The following FAM229B variants were observed in gnomAD, a reference collection of about 807,000 sequenced individuals.
The protein encoded by FAM229B is protein FAM229B.
In FAM229B, 2 loss-of-function variants were observed where a neutral mutation model predicts 6.7. That is an observed-to-expected ratio of 0.30 (90% CI 0.12 to 0.94). The LOEUF is 0.94. Ranked by LOEUF, FAM229B falls within the 40% of genes least tolerant of loss-of-function variation. The probability of loss-of-function intolerance (pLI) is 0.54; values close to 1 mark genes in which losing one functional copy is unlikely to be tolerated. For missense variants in FAM229B, 93 were observed against 96.2 expected, an observed-to-expected ratio of 0.97 and a Z score of 0.14; for synonymous variants, 29 against 34.0, an observed-to-expected ratio of 0.85 and a Z score of 0.51.
intron 3 of FAM229B, 128 bp downstream of exon 3, chr6:112,099,536 G>A (rs1044315982): frequency 2.1e-5 from 20 of 934,896 alleles, no homozygotes; most frequent in African/African-American, 5.1e-5. Flanking sequence ...TTCTAAGTTA[G>A]CGTATTAACA....
rs1290471480 is a variant in FAM229B, at chr6:112,102,579, A to C, written c.*1792A>C. On this transcript the variant is annotated 3_prime_UTR_variant, in exon 4 of 4. Coordinates refer to ENST00000368656, the MANE Select transcript of FAM229B (RefSeq NM_001033564.3). ...AATAGTGGATCTTTTAATATAGTACATGGATCATTGAGTAGAGTCTTCAGC... is the reference window on the plus strand; with the variant it reads ...AATAGTGGATCTTTTAATATAGTACCTGGATCATTGAGTAGAGTCTTCAGC... 6.6e-6 allele frequency: 1 copy of C among 152,206 alleles called. No homozygotes were observed. The highest frequency in any genetic ancestry group is 1.5e-5 in the Non-Finnish European group (1 of 68,056). The allele number at this position is 152,206 out of a possible 1,614,324, so 9.4% of individuals were successfully genotyped here.
intron 1 of FAM229B, among the ~76,000 whole-genome samples, chr6:112,093,178 T>C (rs1379407190): frequency 6.6e-6 from 1 of 151,802 alleles, no homozygotes; most frequent in African/African-American, 2.4e-5. Flanking sequence ...ATAACCAAAT[T>C]GGTTAAAAAT....
chr6:112,100,491 T>C (rs1554319134), intron 3 of FAM229B, among the ~76,000 whole-genome samples, 179 bp from the exon 4 acceptor site: 2 of 152,246 alleles, frequency 1.3e-5, no homozygotes, highest in African/African-American at 4.8e-5. Context: ...ACAATTTCTT[T>C]GTTATATCCA....
At chr6:112,098,186 A>G (rs1554318862) in intron 2 of FAM229B, among the ~76,000 whole-genome samples, 1 of 152,242 alleles carries the variant, frequency 6.6e-6, no homozygotes, top group Non-Finnish European at 1.5e-5. Context: ...AAAGGTTGCT[A>G]TGAAAACTTA....
chr6:112,092,002 G>A (rs1777263052), intron 1 of FAM229B, among the ~76,000 whole-genome samples: 1 of 152,046 alleles, frequency 6.6e-6, no homozygotes, highest in Non-Finnish European at 1.5e-5. Flanking sequence ...CAAACTTAAA[G>A]ATGTAGCAAT....
At chr6:112,089,262 TA>T (rs1162944268) in intron 1 of FAM229B, among the ~76,000 whole-genome samples, 1 of 151,308 alleles carries the variant, frequency 6.6e-6, no homozygotes, top group African/African-American at 2.4e-5. Flanking sequence ...TATGGACTCC[TA>T]AAATTGAAGG....
rs1398481081 is a variant in FAM229B at position 112,102,255 on chromosome 6, G to C, written c.*1468G>C. 1 of 152,162 alleles carries C rather than the reference G, an allele frequency of 6.6e-6. No individual in the cohort carries two copies. Among genetic ancestry groups the C allele is most frequent in the Non-Finnish European group, 1.5e-5 (1 of 68,026 alleles). 9.4% of individuals were successfully genotyped at this position (152,162 alleles called of 1,614,324 possible). A position where few individuals can be genotyped will look rare whatever the true frequency, so the allele number is the denominator to read the frequency against. The stretch of plus-strand genomic sequence containing the variant: ...TCCTGGCACTTTGGGAGGCCGAAGT[G>C]GATGGATTATCTGAGGTCAGGCATT... On this transcript the variant is annotated 3_prime_UTR_variant, in exon 4 of 4. Transcript: ENST00000368656.
In FAM229B at chr6:112,087,612, A is replaced by C. The variant is rs987540377; in HGVS notation, c.-284A>C. On this transcript the variant is annotated 5_prime_UTR_variant, in exon 1 of 4. Coordinates refer to ENST00000368656, the MANE Select transcript of FAM229B (RefSeq NM_001033564.3). The stretch of plus-strand genomic sequence containing the variant: ...TTCCGTCAGAAGGCCGCGCAAGTGC[A>C]CTTGCGTGTCACCGTTACCGTAGCG... 4.6e-6 allele frequency: 3 copies of C among 654,802 alleles called. No individual in the cohort carries two copies. The highest frequency in any genetic ancestry group is 2.6e-6 in the Non-Finnish European group (1 of 387,892). 40.6% of individuals were successfully genotyped at this position (654,802 alleles called of 1,614,324 possible).
In FAM229B at chr6:112,100,923, C is replaced by A; in HGVS notation, c.*136C>A. 1.5e-6 allele frequency: 1 copy of A among 679,988 alleles called. No individual in the cohort carries two copies. The highest frequency in any genetic ancestry group is 2.6e-6 in the Non-Finnish European group (1 of 382,012). The allele number at this position is 679,988 out of a possible 1,614,324, so 42.1% of individuals were successfully genotyped here. ...GTTGAGCTCTTTACTTTTAGTAAGACCGACAGAAATGTAGTCAGTAAAGCA... is the reference window on the plus strand; with the variant it reads ...GTTGAGCTCTTTACTTTTAGTAAGAACGACAGAAATGTAGTCAGTAAAGCA... On this transcript the variant is annotated 3_prime_UTR_variant, in exon 4 of 4. Transcript: ENST00000368656.
chr6:112,097,639 TTGTGTACTAATAGTTGAAAACAG>T (rs1777344518), intron 2 of FAM229B, among the ~76,000 whole-genome samples: 1 of 149,748 alleles, frequency 6.7e-6, no homozygotes, highest in Non-Finnish European at 1.5e-5. Flanking sequence ...GTTGAATACA[TTGTGTACTAATAGTTGAAAACAG>T]TGTGTACTAA....
In FAM229B at chr6:112,102,484, C is replaced by CA. The variant is rs11373481; in HGVS notation, c.*1706dup. The CA allele has an allele frequency of 0.25, 37,588 of 149,268 alleles. 4,651 individuals are homozygous for CA. Among genetic ancestry groups the CA allele is most frequent in the East Asian group, 0.32 (1,644 of 5,070 alleles). The allele number at this position is 149,268 out of a possible 1,614,324, so 9.2% of individuals were successfully genotyped here. On this transcript the variant is annotated 3_prime_UTR_variant, in exon 4 of 4. Coordinates refer to ENST00000368656, the MANE Select transcript of FAM229B (RefSeq NM_001033564.3). ...TAGGCAACAGAGTGAGACTTTGTCT[C>CA]AAAAAAAAAGAAAAACAAAGAAAAA...
Position 112,087,718 on chromosome 6 carries a change from C to A in FAM229B, c.-178C>A. On this transcript the variant is annotated splice_region_variant and 5_prime_UTR_variant, in exon 1 of 4. Transcript: ENST00000368656. ...CAGCTCCGGAGGCCGGGGTAACTGG[C>A]AGGTAACTAGGCTTTGGAGTGGTAT... The A allele has an allele frequency of 2.1e-6, 1 of 469,546 alleles. No individual in the cohort carries two copies. The highest frequency in any genetic ancestry group is 2.0e-5 in the African/African-American group (1 of 50,216). 29.1% of individuals were successfully genotyped at this position (469,546 alleles called of 1,614,324 possible).
chr6:112,095,630 T>C, intron 1 of FAM229B, among the ~76,000 whole-genome samples: 1 of 83,314 alleles, frequency 1.2e-5, no homozygotes, highest in South Asian at 3.8e-4. Flanking sequence ...AGCAAGACCC[T>C]GTCTCAAAAA....
At chr6:112,100,357 T>C (rs763129900) in intron 3 of FAM229B, among the ~76,000 whole-genome samples, 2 of 152,264 alleles carry the variant, frequency 1.3e-5, no homozygotes, top group African/African-American at 2.4e-5. Context: ...TTGTCACTTA[T>C]GTTTGTAACT....
In FAM229B at chr6:112,100,702, T is replaced by C. The variant is rs782542973; in HGVS notation, c.158T>C (p.Leu53Pro). The C allele has an allele frequency of 3.7e-6, 6 of 1,613,924 alleles. No homozygotes were observed. The highest frequency in any genetic ancestry group is 5.1e-6 in the Non-Finnish European group (6 of 1,179,908). Residue 53 changes from leucine (L) to proline (P), a missense_variant, in exon 4 of 4, where the codon CTG becomes CCG. By Grantham distance (98) the Leu-to-Pro change is moderately conservative. Transcript: ENST00000368656. ...CGGAGGTGCCCTGGAAGTCATTGCC[T>C]GACAATAACTGATGTTCCCGTCACT... ...QLRRCPGSHC[L>P]TITDVPVTVY...
chr6:112,095,711 T>C (rs1305139496), intron 1 of FAM229B, among the ~76,000 whole-genome samples: 1 of 130,814 alleles, frequency 7.6e-6, no homozygotes, highest in Non-Finnish European at 1.6e-5. Context: ...ATTCTGATGC[T>C]AAAACCCATC....
At chr6:112,093,879 A>C (rs1777288725) in intron 1 of FAM229B, among the ~76,000 whole-genome samples, 1 of 152,058 alleles carries the variant, frequency 6.6e-6, no homozygotes, top group South Asian at 2.1e-4. Context: ...AATGTTCTCT[A>C]ACAAAAATGG....
chr6:112,088,309 A>G (rs1487215661), intron 1 of FAM229B, among the ~76,000 whole-genome samples: 2 of 152,260 alleles, frequency 1.3e-5, no homozygotes, highest in Non-Finnish European at 2.9e-5. Flanking sequence ...GTTAGGCATT[A>G]TGACAATTAC....
chr6:112,100,566 A>G (rs1300046479), intron 3 of FAM229B, 104 bp from the exon 4 acceptor site: 2 of 725,522 alleles, frequency 2.8e-6, no homozygotes, highest in East Asian at 2.6e-5. Context: ...AGAGATTTCA[A>G]AGTGATTTAA....
Sources: gnomAD v4.1 joint callset for allele counts (sites outside exome capture counted in the v4.1 genomes callset) on GRCh38, gnomAD v4.1.1 for gene constraint, MANE v1.5 for transcripts, NCBI Gene and HGNC (gene_info 2026-07-23, HGNC 2026-07-21) for gene names.